HSPA4: variants seen among roughly 807,000 people sequenced by gnomAD.
HSPA4 encodes the protein heat shock protein family A (Hsp70) member 4.
A neutral mutation model predicts 106.2 loss-of-function variants in HSPA4; 25 were observed. The ratio of observed to expected loss-of-function variants is 0.24; its 90% CI spans 0.17 to 0.33. The LOEUF is 0.33. Ranked by LOEUF, HSPA4 falls within the 10% of genes least tolerant of loss-of-function variation. The pLI, the probability that HSPA4 is intolerant of heterozygous loss-of-function variation, is 1.00. For missense variants in HSPA4, 841 were observed against 996.0 expected (o/e 0.84, Z 2.10); for synonymous variants, 332 against 333.6 (o/e 1.00, Z 0.05).
intron 13 of HSPA4, among the ~76,000 whole-genome samples, chr5:133,095,543 A>C (rs908312702): frequency 3.9e-5 from 6 of 152,176 alleles, no homozygotes; most frequent in Non-Finnish European, 8.8e-5. Flanking sequence ...TGAGAATATA[A>C]ATAGTTACAG....
chr5:133,064,961 T>C lies in HSPA4; in HGVS notation c.108-19T>C, dbSNP rs1287049516. 1.9e-6 allele frequency: 3 copies of C among 1,608,236 alleles called. No homozygotes were observed. Among genetic ancestry groups the C allele is most frequent in the Admixed American group, 1.7e-5 (1 of 59,564 alleles). On this transcript the variant is annotated intron_variant, in intron 1 of 18. Coordinates refer to ENST00000304858, the MANE Select transcript of HSPA4 (RefSeq NM_002154.4). ...ATTGTAGTAAGATTTAATTCTTAAGTGCTTTTTTTGTCTTCTAGGGCTTGC... is the reference window on the plus strand; with the variant it reads ...ATTGTAGTAAGATTTAATTCTTAAGCGCTTTTTTTGTCTTCTAGGGCTTGC...
In HSPA4 at chr5:133,064,963, CTT is replaced by C. The variant is rs1367040271; in HGVS notation, c.108-11_108-10del. The C allele has an allele frequency of 6.2e-7, 1 of 1,609,144 alleles. No homozygotes were observed. The highest frequency in any genetic ancestry group is 8.5e-7 in the Non-Finnish European group (1 of 1,176,978). On this transcript the variant is annotated splice_polypyrimidine_tract_variant and intron_variant, in intron 1 of 18. Transcript: ENST00000304858. ...TGTAGTAAGATTTAATTCTTAAGTG[CTT>C]TTTTTGTCTTCTAGGGCTTGCATTT...
intron 16 of HSPA4, among the ~76,000 whole-genome samples, chr5:133,100,066 C>T (rs984092292): frequency 7.9e-5 from 12 of 151,316 alleles, no homozygotes; most frequent in Non-Finnish European, 1.5e-4. Context: ...TTTATTTATT[C>T]ATTTATTTAT....
At chr5:133,062,001 T>C (rs2126695092) in intron 1 of HSPA4, among the ~76,000 whole-genome samples, 1 of 152,258 alleles carries the variant, frequency 6.6e-6, no homozygotes, top group East Asian at 1.9e-4. Context: ...AGGTGGAATT[T>C]CTAGAGAATA....
At chr5:133,102,324 A>G (rs1456158664) in intron 17 of HSPA4, among the ~76,000 whole-genome samples, 1 of 152,186 alleles carries the variant, frequency 6.6e-6, no homozygotes, top group African/African-American at 2.4e-5. Context: ...TATTAATGTA[A>G]TGTGTAATGT....
At chr5:133,055,403 G>GTT (rs1300855853) in intron 1 of HSPA4, among the ~76,000 whole-genome samples, 1 of 129,872 alleles carries the variant, frequency 7.7e-6, no homozygotes, top group Admixed American at 9.2e-5. Flanking sequence ...TTGTGGGTTT[G>GTT]TTTTAACATG....
intron 1 of HSPA4, among the ~76,000 whole-genome samples, chr5:133,054,330 G>C (rs999699810): frequency 6.6e-6 from 1 of 152,060 alleles, no homozygotes. Flanking sequence ...AGCCTCCCGA[G>C]TAGCTGGGAT....
At chr5:133,092,338 T>TA (rs1765656948) in intron 12 of HSPA4, among the ~76,000 whole-genome samples, 1 of 152,188 alleles carries the variant, frequency 6.6e-6, no homozygotes, top group Admixed American at 6.5e-5. Flanking sequence ...TGAGAGAAAA[T>TA]ACCTTTGAGG....
At position 133,099,786 on chromosome 5, in the gene HSPA4, G is replaced by A. The variant is rs1056594283; in HGVS notation, c.2037+134G>A. 1.5e-4 allele frequency: 68 copies of A among 464,750 alleles called. No homozygotes were observed. The East Asian group carries it at 2.1e-3, about 14-fold the overall frequency. 28.8% of individuals were successfully genotyped at this position (464,750 alleles called of 1,614,324 possible). ...TGATGAACTAAAATAAACCCTTTAT[G>A]ACTTAGGCTCATTATCATTCTCACT... On this transcript the variant is annotated intron_variant, in intron 16 of 18. Coordinates refer to ENST00000304858, the MANE Select transcript of HSPA4 (RefSeq NM_002154.4).
At chr5:133,086,633 C>A in intron 7 of HSPA4, 149 bp from the exon 8 acceptor site, 1 of 603,748 alleles carries the variant, frequency 1.7e-6, no homozygotes, top group Non-Finnish European at 2.9e-6. Context: ...TTTTCATTTT[C>A]TATTACCTGG....
chr5:133,088,354 T>C (rs11749966), intron 8 of HSPA4, 50 bp from the exon 9 acceptor site: 83,942 of 1,318,466 alleles, frequency 0.064, 3,232 homozygotes, highest in Non-Finnish European at 0.078. Flanking sequence ...GGTAAGATGT[T>C]ATTGTTCTTT....
In HSPA4 at chr5:133,106,135, T is replaced by TGG. The variant is rs1561589183; in HGVS notation, c.*1699_*1700insGG. 97 of 58,042 alleles carry TGG rather than the reference T, an allele frequency of 1.7e-3. 1 individual carries two copies. The highest frequency in any genetic ancestry group is 0.014 in the East Asian group (20 of 1,404). The allele number at this position is 58,042 out of a possible 1,614,324, so 3.6% of individuals were successfully genotyped here. On this transcript the variant is annotated 3_prime_UTR_variant, in exon 19 of 19. Transcript: ENST00000304858. ...TTTTTTTTTTTTTTTTTTTTTTTTT[T>TGG]TTTTTGGTGTGTGTGTGTGTGTGTG...
chr5:133,088,925 C>A, intron 9 of HSPA4, 130 bp from the exon 10 acceptor site: 1 of 516,240 alleles, frequency 1.9e-6, no homozygotes, highest in Non-Finnish European at 3.4e-6. Flanking sequence ...GTTCAGACAC[C>A]ATTAAATTAC....
intron 7 of HSPA4, among the ~76,000 whole-genome samples, chr5:133,080,825 G>A (rs1765505480): frequency 6.6e-6 from 1 of 151,616 alleles, no homozygotes; most frequent in African/African-American, 2.4e-5. Context: ...ATTCTGATTT[G>A]TTCTTTCATT....
chr5:133,073,168 T>C, intron 4 of HSPA4, 62 bp from the exon 5 acceptor site: 1 of 1,020,072 alleles, frequency 9.8e-7, no homozygotes, highest in Non-Finnish European at 1.5e-6. Context: ...ATGGTGTTCC[T>C]GGATTTTACT....
At chr5:133,099,452 A>G in intron 15 of HSPA4, 93 bp from the exon 16 acceptor site, 1 of 587,464 alleles carries the variant, frequency 1.7e-6, no homozygotes, top group Non-Finnish European at 3.0e-6. Flanking sequence ...ATTTTAAAGC[A>G]AATCTCAGAT....
intron 16 of HSPA4, among the ~76,000 whole-genome samples, chr5:133,101,136 G>C (rs1380845272): frequency 6.6e-6 from 1 of 152,182 alleles, no homozygotes; most frequent in Non-Finnish European, 1.5e-5. Context: ...GTTGTATTAA[G>C]TTTTCAAGTT....
intron 15 of HSPA4, among the ~76,000 whole-genome samples, chr5:133,098,690 G>T (rs1765746128): frequency 6.7e-6 from 1 of 149,852 alleles, no homozygotes; most frequent in East Asian, 2.0e-4. Flanking sequence ...TTATTTTTTT[G>T]AGATGGAGTT....
At chr5:133,073,363 G>A (rs1765409109) in intron 5 of HSPA4, 34 bp downstream of exon 5, 1 of 1,407,216 alleles carries the variant, frequency 7.1e-7, no homozygotes, top group African/African-American at 1.4e-5. Context: ...TTTTGACTTG[G>A]TTAATCTTGA....
Sources: gnomAD v4.1 joint callset for allele counts (sites outside exome capture counted in the v4.1 genomes callset) on GRCh38, gnomAD v4.1.1 for gene constraint, MANE v1.5 for transcripts, NCBI Gene and HGNC (gene_info 2026-07-23, HGNC 2026-07-21) for gene names.